The following VPS13B variants were observed in gnomAD, a reference collection of about 807,000 sequenced individuals.
VPS13B encodes the protein intermembrane lipid transfer protein VPS13B.
VPS13B carries 285 observed loss-of-function variants against 426.4 expected under a neutral mutation model. The observed-to-expected ratio is 0.67, with a 90% CI of 0.61 to 0.74. VPS13B has a LOEUF of 0.74. Ranked by LOEUF, VPS13B falls within the 30% of genes least tolerant of loss-of-function variation. The pLI is 0.00. For synonymous variants in VPS13B, 1,676 were observed against 1,676.4 expected, an observed-to-expected ratio of 1.00 and a Z score of 0.01; for missense variants, 4,537 against 4,782.6, an observed-to-expected ratio of 0.95 and a Z score of 1.51.
At chr8:99,582,732 T>A (rs984295589) in intron 33 of VPS13B, among the ~76,000 whole-genome samples, 80 of 152,154 alleles carry the variant, frequency 5.3e-4, no homozygotes, top group Admixed American at 6.5e-4. Context: ...CTCGGCTCAC[T>A]GCAAGCTCCG....
intron 35 of VPS13B, among the ~76,000 whole-genome samples, chr8:99,679,723 A>G (rs368996705): frequency 2.0e-5 from 3 of 152,230 alleles, no homozygotes; most frequent in Admixed American, 6.5e-5. Flanking sequence ...CACACCTTCA[A>G]TGAAAGCACA....
At chr8:99,860,552 C>T (rs1026648704) in intron 57 of VPS13B, among the ~76,000 whole-genome samples, 95 of 152,154 alleles carry the variant, frequency 6.2e-4, no homozygotes, top group East Asian at 1.9e-4. Context: ...TACACTTGTT[C>T]TTTTCTTCTC....
intron 14 of VPS13B, among the ~76,000 whole-genome samples, chr8:99,153,123 T>C (rs1478359367): frequency 6.6e-6 from 1 of 152,190 alleles, no homozygotes; most frequent in African/African-American, 2.4e-5. Context: ...TGAGCAATGA[T>C]CACACCACTT....
chr8:99,594,867 A>G (rs1826915518), intron 33 of VPS13B, among the ~76,000 whole-genome samples: 1 of 151,952 alleles, frequency 6.6e-6, no homozygotes, highest in African/African-American at 2.4e-5. Flanking sequence ...CTCAGGATTC[A>G]CTGTTGACTT....
At chr8:99,167,391 T>C (rs867231392) in intron 15 of VPS13B, among the ~76,000 whole-genome samples, 1 of 152,072 alleles carries the variant, frequency 6.6e-6, no homozygotes, top group Non-Finnish European at 1.5e-5. Context: ...ATTATACTAT[T>C]ATGTGTTTTA....
At chr8:99,341,273 A>G in intron 19 of VPS13B, 1 of 170,788 alleles carries the variant, frequency 5.9e-6, no homozygotes, top group Non-Finnish European at 1.3e-5. Context: ...CTGTCGTGGA[A>G]GTCTCATTAA....
chr8:99,103,425 G>T (rs1846867385), intron 5 of VPS13B, among the ~76,000 whole-genome samples: 1 of 151,500 alleles, frequency 6.6e-6, no homozygotes, highest in Admixed American at 6.6e-5. Context: ...TGCCTCCCGG[G>T]CTCAAACAAT....
rs76295633 is a variant in VPS13B at position 99,689,009 on chromosome 8, G to A, written c.6047-10516G>A. 9.9e-3 allele frequency among the ~76,000 whole-genome samples: 1,499 copies of A among 152,150 alleles called. 8 individuals carry two copies. The highest frequency in any genetic ancestry group is 0.015 in the Non-Finnish European group (1,043 of 68,022). ...AAATAGTTATCTTTGTAACTTAAAT[G>A]ACCTTGGGATAGTCACTATCTTGAA... On this transcript the variant is annotated intron_variant, in intron 35 of 61. Coordinates refer to ENST00000357162, the MANE Select transcript of VPS13B (RefSeq NM_152564.5).
intron 23 of VPS13B, among the ~76,000 whole-genome samples, chr8:99,462,194 CT>C (rs889090713): frequency 1.7e-4 from 25 of 146,698 alleles, no homozygotes; most frequent in African/African-American, 6.0e-4. Flanking sequence ...CCATCTCTTC[CT>C]TTTGTGTACT....
intron 3 of VPS13B, among the ~76,000 whole-genome samples, chr8:99,078,384 T>C (rs1425306916): frequency 6.6e-6 from 1 of 151,960 alleles, no homozygotes; most frequent in East Asian, 1.9e-4. Context: ...TGATTCTTGG[T>C]GGGTGAAGTA....
At chr8:99,610,390 C>G (rs1050732718) in intron 33 of VPS13B, among the ~76,000 whole-genome samples, 5 of 152,282 alleles carry the variant, frequency 3.3e-5, no homozygotes, top group Middle Eastern at 3.4e-3. Context: ...CACATGTACA[C>G]CATGGAATAC....
chr8:99,370,140 T>C (rs1813098353), intron 19 of VPS13B, among the ~76,000 whole-genome samples: 1 of 152,226 alleles, frequency 6.6e-6, no homozygotes, highest in Non-Finnish European at 1.5e-5. Flanking sequence ...ATTTTTTAAG[T>C]GCCAGTCACT....
intron 17 of VPS13B, among the ~76,000 whole-genome samples, chr8:99,219,168 T>C (rs908730134): frequency 2.0e-5 from 3 of 152,212 alleles, no homozygotes; most frequent in Non-Finnish European, 4.4e-5. Flanking sequence ...GGTAGGCCAT[T>C]GGCAATAACG....
intron 8 of VPS13B, among the ~76,000 whole-genome samples, chr8:99,132,496 T>C (rs940048133): frequency 1.3e-5 from 2 of 152,182 alleles, no homozygotes; most frequent in African/African-American, 4.8e-5. Flanking sequence ...CTCTTGTTAA[T>C]GTGGATAGTT....
chr8:99,305,140 C>T (rs949145374), intron 19 of VPS13B, among the ~76,000 whole-genome samples: 2 of 151,988 alleles, frequency 1.3e-5, no homozygotes, highest in African/African-American at 2.4e-5. Flanking sequence ...TTTACAAATT[C>T]GCTTCCCAAG....
At chr8:99,576,268 A>G (rs991655237) in intron 32 of VPS13B, among the ~76,000 whole-genome samples, 1 of 152,180 alleles carries the variant, frequency 6.6e-6, no homozygotes. Context: ...TATTTAACCT[A>G]CTAGTATAAG....
chr8:99,531,837 A>G (rs1337315907), intron 30 of VPS13B, among the ~76,000 whole-genome samples: 2 of 152,108 alleles, frequency 1.3e-5, no homozygotes, highest in Admixed American at 1.3e-4. Flanking sequence ...AACAGTATAT[A>G]TCGACCACCT....
At chr8:99,770,981 A>T (rs1193295605) in intron 40 of VPS13B, among the ~76,000 whole-genome samples, 3 of 152,222 alleles carry the variant, frequency 2.0e-5, no homozygotes, top group African/African-American at 7.2e-5. Context: ...CCAGCCTGGC[A>T]GGTTCCCTGG....
intron 17 of VPS13B, among the ~76,000 whole-genome samples, chr8:99,250,002 G>A (rs113147218): frequency 1.5e-3 from 227 of 152,184 alleles, no homozygotes; most frequent in African/African-American, 5.2e-3. Flanking sequence ...TGACTTACTG[G>A]TTTCTTCACA....
Sources: allele counts gnomAD v4.1 joint callset (sites outside exome capture counted in the v4.1 genomes callset), GRCh38; gene constraint gnomAD v4.1.1; transcripts MANE v1.5; gene names NCBI Gene and HGNC (gene_info 2026-07-23, HGNC 2026-07-21).